PTPN5: variants seen among roughly 807,000 people sequenced by gnomAD.
PTPN5 encodes tyrosine-protein phosphatase non-receptor type 5.
PTPN5 carries 29 observed loss-of-function variants against 73.9 expected under a neutral mutation model. The observed-to-expected ratio is 0.39, with a 90% CI of 0.29 to 0.54. PTPN5 has a LOEUF of 0.54. Among genes scored for constraint, PTPN5 ranks in the 20% least tolerant of loss-of-function variants. The pLI, the probability that PTPN5 is intolerant of heterozygous loss-of-function variation, is 0.65. For missense variants in PTPN5, 652 were observed against 751.4 expected (o/e 0.87, Z 1.55); for synonymous variants, 267 against 304.7 (o/e 0.88, Z 1.29).
At chr11:18,752,410 C>A (rs1355981744) in intron 3 of PTPN5, among the ~76,000 whole-genome samples, 1 of 152,186 alleles carries the variant, frequency 6.6e-6, no homozygotes, top group Non-Finnish European at 1.5e-5. Flanking sequence ...TCCCTTTCAT[C>A]TGCCAGATGA....
chr11:18,783,165 A>G (rs1248308888), intron 1 of PTPN5, among the ~76,000 whole-genome samples: 1 of 152,198 alleles, frequency 6.6e-6, no homozygotes, highest in Non-Finnish European at 1.5e-5. Flanking sequence ...CTGACCAGCT[A>G]GGGAAGTAGC....
chr11:18,736,426 G>A (rs1040736769), intron 9 of PTPN5, among the ~76,000 whole-genome samples: 1 of 152,228 alleles, frequency 6.6e-6, no homozygotes, highest in Non-Finnish European at 1.5e-5. Flanking sequence ...CACTCTGACT[G>A]TAACTGTGCA....
At chr11:18,777,804 G>C (rs556305219) in intron 1 of PTPN5, among the ~76,000 whole-genome samples, 1 of 152,234 alleles carries the variant, frequency 6.6e-6, no homozygotes, top group African/African-American at 2.4e-5. Flanking sequence ...TGTGAGCGGA[G>C]CATGGTGGTA....
At position 18,728,644 on chromosome 11, in the gene PTPN5, T is replaced by C. The variant is rs1369667282; in HGVS notation, c.*290A>G. On this transcript the variant is annotated 3_prime_UTR_variant, in exon 15 of 15. Coordinates refer to ENST00000358540, the MANE Select transcript of PTPN5 (RefSeq NM_006906.2). The surrounding 1 kb of genome is among the most constrained non-coding windows in gnomAD (Gnocchi z 4.1). ...GGAAACATTCTGGATCAGGTATTGA[T>C]GGAACCATCGTTAAAAACTGGAGCC... is the stretch of plus-strand genomic sequence containing the variant. 5.4e-6 allele frequency: 2 copies of C among 368,230 alleles called. No homozygotes were observed. The highest frequency in any genetic ancestry group is 9.9e-6 in the Non-Finnish European group (2 of 202,848). 22.8% of individuals were successfully genotyped at this position (368,230 alleles called of 1,614,324 possible). A position where few individuals can be genotyped will look rare whatever the true frequency, so the allele number is the denominator to read the frequency against.
In PTPN5 at chr11:18,729,138, C is replaced by A. The variant is rs1848756058; in HGVS notation, c.1605-111G>T. ...CTTGCCAGGCCTTGCCCCTGTGCGT[C>A]TTGGAGAGACCAACCCTTGCCAACC... is the stretch of plus-strand genomic sequence containing the variant. On this transcript the variant is annotated intron_variant, in intron 14 of 14. Transcript: ENST00000358540. This position sits in a 1 kb window ranked among gnomAD's most constrained non-coding sequence, Gnocchi z 5.2. The A allele has an allele frequency of 1.9e-6, 2 of 1,076,670 alleles. No individual in the cohort carries two copies. The highest frequency in any genetic ancestry group is 3.2e-5 in the African/African-American group (2 of 63,356). The allele number at this position is 1,076,670 out of a possible 1,614,324, so 66.7% of individuals were successfully genotyped here.
At chr11:18,754,637 A>C (rs1850044043) in intron 3 of PTPN5, among the ~76,000 whole-genome samples, 1 of 152,178 alleles carries the variant, frequency 6.6e-6, no homozygotes, top group Non-Finnish European at 1.5e-5. Context: ...GGCAAGGATT[A>C]ATTAGTATTT....
intron 8 of PTPN5, among the ~76,000 whole-genome samples, chr11:18,738,323 C>T (rs1223167374): frequency 2.6e-5 from 4 of 152,180 alleles, no homozygotes; most frequent in Admixed American, 1.3e-4. Context: ...TATCTCGGGA[C>T]CTAGGTTCGT....
In PTPN5 at chr11:18,787,130, C is replaced by G. The variant is rs74566244; in HGVS notation, c.-114+4395G>C. On this transcript the variant is annotated intron_variant, in intron 1 of 14. Transcript: ENST00000358540. ...GCAGTGTTTATAATATAAAGCCATA[C>G]TGAATAAAATATGCAGACTTCACTT... Among the ~76,000 whole-genome samples, 5 of 152,204 alleles carry G rather than the reference C, an allele frequency of 3.3e-5. No individual in the cohort carries two copies. In the South Asian group the frequency reaches 1.0e-3, roughly 32 times the overall value.
Position 18,729,612 on chromosome 11 carries a change from C to T in PTPN5, c.1490+46G>A, listed in dbSNP as rs538000676. 1.6e-5 allele frequency: 25 copies of T among 1,574,232 alleles called. No homozygotes were observed. The highest frequency in any genetic ancestry group is 9.0e-5 in the South Asian group (8 of 89,302). On this transcript the variant is annotated intron_variant, in intron 13 of 14. Transcript: ENST00000358540. This position sits in a 1 kb window ranked among gnomAD's most constrained non-coding sequence, Gnocchi z 5.2. ...TGGGGTGAGGGGCAGGGCAGCCCAG[C>T]GGGTGGGGGGCTGCCCCGCTCCAGT...
intron 4 of PTPN5, 144 bp downstream of exon 4, chr11:18,743,862 C>T (rs1849489596): frequency 2.1e-6 from 2 of 943,196 alleles, no homozygotes; most frequent in South Asian, 2.0e-5. Context: ...CTTATCCCAG[C>T]CTTGAGGGCT....
chr11:18,736,452 C>G (rs373672394), intron 9 of PTPN5, among the ~76,000 whole-genome samples: 4 of 152,354 alleles, frequency 2.6e-5, no homozygotes, highest in Middle Eastern at 3.4e-3. Flanking sequence ...CTCTCTCCCC[C>G]GCTAGGCTGG....
At chr11:18,738,028 C>T (rs1849194390) in intron 8 of PTPN5, 64 bp from the exon 9 acceptor site, 1 of 1,370,642 alleles carries the variant, frequency 7.3e-7, no homozygotes, top group East Asian at 2.3e-5. Flanking sequence ...AATCCAGGGG[C>T]TGCTGTGCCC....
At position 18,733,009 on chromosome 11, in the gene PTPN5, T is replaced by G. The variant is rs1198506904; in HGVS notation, c.1218+226A>C. Among the ~76,000 whole-genome samples the G allele has an allele frequency of 1.3e-5, 2 of 152,104 alleles. No individual in the cohort carries two copies. Among genetic ancestry groups the G allele is most frequent in the African/African-American group, 2.4e-5 (1 of 41,398 alleles). ...GCTGGGAGGCAGCAGAGTGCTGTGTTTAAGGTCACGGGCACTGGAAGTGGA... is the reference window on the plus strand; with the variant it reads ...GCTGGGAGGCAGCAGAGTGCTGTGTGTAAGGTCACGGGCACTGGAAGTGGA... On this transcript the variant is annotated intron_variant, in intron 11 of 14. Transcript: ENST00000358540. The surrounding 1 kb of genome is among the most constrained non-coding windows in gnomAD (Gnocchi z 4.3).
rs554889329 is a variant in PTPN5, at chr11:18,774,924, G to A, written c.-113-2853C>T. 4.6e-5 allele frequency among the ~76,000 whole-genome samples: 7 copies of A among 152,244 alleles called. No homozygotes were observed. The South Asian group carries it at 6.2e-4, about 14-fold the overall frequency. Reference sequence around the variant, plus strand: ...AGGAAAAAGGGCAGAAGCAATCTTCGGACCACCTGTTCAGTAACATCTTAG... The same window carrying A: ...AGGAAAAAGGGCAGAAGCAATCTTCAGACCACCTGTTCAGTAACATCTTAG... On this transcript the variant is annotated intron_variant, in intron 1 of 14. Transcript: ENST00000358540.
chr11:18,791,426 T>C (rs1851921719), intron 1 of PTPN5, 99 bp downstream of exon 1: 1 of 152,038 alleles, frequency 6.6e-6, no homozygotes, highest in African/African-American at 2.4e-5. Context: ...CCGGGAGGGC[T>C]GGAGAAGGTG....
At chr11:18,747,644 T>C (rs961765554) in intron 3 of PTPN5, among the ~76,000 whole-genome samples, 3 of 152,320 alleles carry the variant, frequency 2.0e-5, no homozygotes, top group Middle Eastern at 3.4e-3. Context: ...AGCATGAAAT[T>C]TGCCTGCAAT....
At chr11:18,763,216 G>C (rs1850478369) in intron 3 of PTPN5, among the ~76,000 whole-genome samples, 2 of 152,332 alleles carry the variant, frequency 1.3e-5, no homozygotes, top group Admixed American at 1.3e-4. Context: ...GACAGGCACA[G>C]GGACGTTGTC....
intron 2 of PTPN5, among the ~76,000 whole-genome samples, chr11:18,767,005 T>A (rs896885751): frequency 1.3e-5 from 2 of 152,180 alleles, no homozygotes; most frequent in Admixed American, 6.5e-5. Flanking sequence ...TCTTGGACAA[T>A]ATGCCCTTCA....
At chr11:18,745,112 G>A (rs1035619433) in intron 3 of PTPN5, among the ~76,000 whole-genome samples, 1 of 152,154 alleles carries the variant, frequency 6.6e-6, no homozygotes, top group Non-Finnish European at 1.5e-5. Context: ...TTCTAGCTGC[G>A]GCCACCTCAG....
Sources: gnomAD v4.1 joint callset for allele counts (sites outside exome capture counted in the v4.1 genomes callset) on GRCh38, gnomAD v4.1.1 for gene constraint, Gnocchi (gnomAD v3.1) non-coding constraint, MANE v1.5 for transcripts, NCBI Gene and HGNC (gene_info 2026-07-23, HGNC 2026-07-21) for gene names.